GRIK4: variants seen among roughly 807,000 people sequenced by gnomAD.
GRIK4 encodes the protein glutamate ionotropic receptor kainate type subunit 4, also known as glutamate receptor ionotropic, kainate 4.
A neutral mutation model predicts 104.9 loss-of-function variants in GRIK4; 40 were observed. The ratio of observed to expected loss-of-function variants is 0.38; its 90% CI spans 0.30 to 0.50. GRIK4 has a LOEUF of 0.50. Ranked by LOEUF, GRIK4 falls within the 20% of genes least tolerant of loss-of-function variation. GRIK4 has a pLI of 0.93. For synonymous variants in GRIK4, 485 were observed against 524.9 expected, an observed-to-expected ratio of 0.92 and a Z score of 1.04; for missense variants, 1,047 against 1,308.1, an observed-to-expected ratio of 0.80 and a Z score of 3.08.
chr11:120,650,283 G>A (rs903446873), intron 1 of GRIK4, among the ~76,000 whole-genome samples: 3 of 152,228 alleles, frequency 2.0e-5, no homozygotes, highest in Non-Finnish European at 2.9e-5. Flanking sequence ...GGGGTGCAGA[G>A]GGAGAGGGGA....
At chr11:120,846,162 T>C (rs1376194311) in intron 8 of GRIK4, among the ~76,000 whole-genome samples, 1 of 152,256 alleles carries the variant, frequency 6.6e-6, no homozygotes, top group Non-Finnish European at 1.5e-5. Context: ...TGAAGATTTA[T>C]TTTTTGCATT....
intron 3 of GRIK4, among the ~76,000 whole-genome samples, chr11:120,676,819 A>G: frequency 6.6e-6 from 1 of 152,248 alleles, no homozygotes; most frequent in South Asian, 2.1e-4. Context: ...CATGGAAGGT[A>G]ATGCATTTGC....
chr11:120,874,170 G>A lies in GRIK4; in HGVS notation c.1011G>A (p.Ser337=), dbSNP rs147527974. ...EIGVKPLSCG[S]AQIWQHGTSL... Reference sequence around the variant, plus strand: ...GCGTGAAGCCCTTGTCCTGCGGCTCGGCCCAGATCTGGCAGCACGGCACCA... The same window carrying A: ...GCGTGAAGCCCTTGTCCTGCGGCTCAGCCCAGATCTGGCAGCACGGCACCA... Residue 337 remains serine (S), a synonymous_variant, in exon 10 of 21, where the codon TCG becomes TCA. Coordinates refer to ENST00000527524, the MANE Select transcript of GRIK4 (RefSeq NM_014619.5). 1.1e-5 allele frequency: 17 copies of A among 1,613,452 alleles called. No homozygotes were observed. The highest frequency in any genetic ancestry group is 1.6e-4 in the Middle Eastern group (1 of 6,084).
chr11:120,956,972 G>A lies in GRIK4; in HGVS notation c.1874+19G>A. 1.9e-6 allele frequency: 3 copies of A among 1,572,970 alleles called. No homozygotes were observed. Among genetic ancestry groups the A allele is most frequent in the East Asian group, 2.3e-5 (1 of 43,492 alleles). Reference sequence around the variant, plus strand: ...GCGTCTGGTAAGGCCCCAGGCAGAGGTGAACCAGGCCAGGTGGGGTGGGGA... The same window carrying A: ...GCGTCTGGTAAGGCCCCAGGCAGAGATGAACCAGGCCAGGTGGGGTGGGGA... On this transcript the variant is annotated intron_variant, in intron 16 of 20. Coordinates refer to ENST00000527524, the MANE Select transcript of GRIK4 (RefSeq NM_014619.5). The surrounding 1 kb of genome is among the most constrained non-coding windows in gnomAD (Gnocchi z 4.6).
intron 15 of GRIK4, among the ~76,000 whole-genome samples, chr11:120,955,768 T>C (rs1944130836): frequency 6.6e-6 from 1 of 151,812 alleles, no homozygotes; most frequent in South Asian, 2.1e-4. Context: ...CCTGAGCCAA[T>C]GAAACCAGAA....
At chr11:120,829,980 G>T (rs1953377703) in intron 6 of GRIK4, among the ~76,000 whole-genome samples, 1 of 152,146 alleles carries the variant, frequency 6.6e-6, no homozygotes, top group African/African-American at 2.4e-5. Flanking sequence ...CCAGCATTGT[G>T]GTTTGCACAG....
intron 13 of GRIK4, among the ~76,000 whole-genome samples, chr11:120,925,771 G>A (rs540494814): frequency 3.3e-5 from 5 of 152,074 alleles, no homozygotes; most frequent in Non-Finnish European, 7.4e-5. Flanking sequence ...GGGAGTTCAC[G>A]ACCAGTCTGG....
chr11:120,585,921 AT>A (rs1948657534), intron 1 of GRIK4, among the ~76,000 whole-genome samples: 1 of 152,128 alleles, frequency 6.6e-6, no homozygotes, highest in African/African-American at 2.4e-5. Flanking sequence ...CATTTCTAAG[AT>A]GGGAGGGTCT....
chr11:120,871,890 T>C (rs1321547834), intron 9 of GRIK4: 1 of 456,144 alleles, frequency 2.2e-6, no homozygotes, highest in Non-Finnish European at 4.4e-6. Context: ...ACAAACTTTG[T>C]TGACTGTTTT....
intron 3 of GRIK4, among the ~76,000 whole-genome samples, chr11:120,769,753 T>C (rs1951906655): frequency 6.6e-6 from 1 of 152,190 alleles, no homozygotes; most frequent in Non-Finnish European, 1.5e-5. Flanking sequence ...ATGGAATGGA[T>C]AGGAAGTCAA....
Position 120,890,139 on chromosome 11 carries a change from T to C in GRIK4, c.1165-8393T>C, listed in dbSNP as rs565705638. ...ACCGTTAAATGGTACCATTATCTTA[T>C]GTTCCCATGGCTTATTGTGGCTTGT... On this transcript the variant is annotated intron_variant, in intron 11 of 20. Transcript: ENST00000527524. Among the ~76,000 whole-genome samples the C allele has an allele frequency of 2.8e-4, 42 of 152,342 alleles. 1 individual carries two copies. In the South Asian group the frequency reaches 8.7e-3, roughly 32 times the overall value.
In GRIK4 at chr11:120,831,817, G is replaced by C. The variant is rs1264559518; in HGVS notation, c.512-35G>C. ...CAGGTGTCTCTAGAGGCAGCTCTGT[G>C]GACCCTCAGGGGCTTCATCCTCTCT... On this transcript the variant is annotated intron_variant, in intron 6 of 20. Transcript: ENST00000527524. 3 of 1,571,644 alleles carry C rather than the reference G, an allele frequency of 1.9e-6. No homozygotes were observed. In the East Asian group the frequency reaches 6.8e-5, roughly 35 times the overall value.
intron 1 of GRIK4, among the ~76,000 whole-genome samples, chr11:120,634,669 T>C (rs961071906): frequency 6.6e-6 from 1 of 152,110 alleles, no homozygotes; most frequent in Non-Finnish European, 1.5e-5. Flanking sequence ...GAAACCCCAG[T>C]GATCTGGAGA....
chr11:120,847,514 A>G (rs1489753573), intron 8 of GRIK4, among the ~76,000 whole-genome samples: 1 of 152,210 alleles, frequency 6.6e-6, no homozygotes, highest in Non-Finnish European at 1.5e-5. Context: ...GCCTTGGAGA[A>G]TCAATGGGAG....
chr11:120,737,287 C>T (rs1434737855), intron 3 of GRIK4, among the ~76,000 whole-genome samples: 1 of 152,184 alleles, frequency 6.6e-6, no homozygotes, highest in African/African-American at 2.4e-5. Context: ...TAAAATTATT[C>T]TAGCTGATAA....
At chr11:120,656,427 C>T (rs1475906852) in intron 2 of GRIK4, among the ~76,000 whole-genome samples, 1 of 152,212 alleles carries the variant, frequency 6.6e-6, no homozygotes, top group Admixed American at 6.5e-5. Flanking sequence ...TTGCAAGCCA[C>T]TGAGCCTTAC....
chr11:120,717,093 C>T (rs1950847829), intron 3 of GRIK4, among the ~76,000 whole-genome samples: 1 of 152,128 alleles, frequency 6.6e-6, no homozygotes, highest in Admixed American at 6.5e-5. Context: ...AGTTTGGGGT[C>T]CAGCCAGGAG....
At chr11:120,705,703 T>G (rs563648335) in intron 3 of GRIK4, among the ~76,000 whole-genome samples, 12 of 152,226 alleles carry the variant, frequency 7.9e-5, no homozygotes, top group Non-Finnish European at 1.5e-4. Flanking sequence ...ATTTTGTAGT[T>G]CTTAGTGTAC....
At chr11:120,858,690 A>C (rs1362520338) in intron 8 of GRIK4, among the ~76,000 whole-genome samples, 1 of 152,196 alleles carries the variant, frequency 6.6e-6, no homozygotes, top group Non-Finnish European at 1.5e-5. Context: ...CTGGAAACCT[A>C]ATGCCCTGAG....
Sources: allele counts gnomAD v4.1 joint callset (sites outside exome capture counted in the v4.1 genomes callset), GRCh38; gene constraint gnomAD v4.1.1; non-coding constraint Gnocchi (gnomAD v3.1); transcripts MANE v1.5; gene names NCBI Gene and HGNC (gene_info 2026-07-23, HGNC 2026-07-21).